SDK1: variants seen among roughly 807,000 people sequenced by gnomAD.
The protein encoded by SDK1 is protein sidekick-1.
Under a neutral mutation model 245.5 loss-of-function variants are expected in SDK1, and 157 were observed. That is an observed-to-expected ratio of 0.64 (90% CI 0.56 to 0.73). SDK1 has a LOEUF of 0.73. SDK1 is among the 30% of genes least tolerant of loss of function. The pLI is 0.00. For missense variants in SDK1, 3,583 were observed against 3,002.3 expected, an observed-to-expected ratio of 1.19 and a Z score of -4.52; for synonymous variants, 1,647 against 1,278.5, an observed-to-expected ratio of 1.29 and a Z score of -6.15.
chr7:3,683,182 G>GT (rs1784163068), intron 4 of SDK1, among the ~76,000 whole-genome samples: 1 of 152,152 alleles, frequency 6.6e-6, no homozygotes, highest in Non-Finnish European at 1.5e-5. Flanking sequence ...TTTTTCGTCT[G>GT]TCTTTTCCAC....
chr7:3,558,088 T>C (rs1779643175), intron 1 of SDK1, among the ~76,000 whole-genome samples: 1 of 149,570 alleles, frequency 6.7e-6, no homozygotes, highest in South Asian at 2.1e-4. Flanking sequence ...AGATGCCACG[T>C]GGCATGCGTA....
intron 8 of SDK1, 34 bp from the exon 9 acceptor site, chr7:3,962,623 T>C (rs777170108): frequency 2.3e-5 from 35 of 1,528,192 alleles, no homozygotes; most frequent in Middle Eastern, 1.7e-4. Flanking sequence ...CAGGAATTAT[T>C]TTTAAAATCC....
chr7:3,723,935 TATATATATAGAGAG>T (rs1268628295), intron 4 of SDK1, among the ~76,000 whole-genome samples: 7 of 120,324 alleles, frequency 5.8e-5, no homozygotes, highest in South Asian at 2.8e-4. Context: ...TATATATATA[TATATATATAGAGAG>T]AGAGAGAGAG....
intron 1 of SDK1, among the ~76,000 whole-genome samples, chr7:3,595,118 A>T (rs114202675): frequency 1.6e-4 from 25 of 152,246 alleles, no homozygotes; most frequent in African/African-American, 6.0e-4. Context: ...AGATGCAGCC[A>T]ATTTTCTCCC....
At chr7:3,889,868 C>T (rs1781418027) in intron 5 of SDK1, among the ~76,000 whole-genome samples, 1 of 152,184 alleles carries the variant, frequency 6.6e-6, no homozygotes, top group African/African-American at 2.4e-5. Flanking sequence ...TCCTGCTGGT[C>T]TGTCTTCCAA....
chr7:3,492,574 G>A (rs1781897416), intron 1 of SDK1, among the ~76,000 whole-genome samples: 1 of 152,244 alleles, frequency 6.6e-6, no homozygotes, highest in Non-Finnish European at 1.5e-5. Flanking sequence ...AGAGTGGACA[G>A]CAGTGGCGGG....
At chr7:4,070,843 G>T (rs1479383854) in intron 20 of SDK1, among the ~76,000 whole-genome samples, 1 of 151,794 alleles carries the variant, frequency 6.6e-6, no homozygotes, top group Non-Finnish European at 1.5e-5. Context: ...CCGAGTAGTT[G>T]GAACTACAGG....
At chr7:4,191,005 C>T (rs1783171708) in intron 35 of SDK1, among the ~76,000 whole-genome samples, 1 of 152,208 alleles carries the variant, frequency 6.6e-6, no homozygotes, top group Non-Finnish European at 1.5e-5. Context: ...CACCCATCCT[C>T]TACACTTCTG....
chr7:3,357,287 A>G (rs1217831166), intron 1 of SDK1, among the ~76,000 whole-genome samples: 1 of 75,054 alleles, frequency 1.3e-5, no homozygotes, highest in Admixed American at 1.4e-4. Flanking sequence ...TTGGCATTTT[A>G]TGTTTCACTG....
At chr7:3,451,127 G>C (rs975609142) in intron 1 of SDK1, among the ~76,000 whole-genome samples, 1 of 152,134 alleles carries the variant, frequency 6.6e-6, no homozygotes, top group Non-Finnish European at 1.5e-5. Flanking sequence ...GTAGCTGGGA[G>C]ATGATGTAGG....
chr7:3,957,401 G>A (rs1458053918), intron 7 of SDK1, among the ~76,000 whole-genome samples: 2 of 152,194 alleles, frequency 1.3e-5, no homozygotes, highest in Non-Finnish European at 2.9e-5. Flanking sequence ...ATTGCGGGAA[G>A]CCGAGTGAAG....
chr7:3,804,765 G>C (rs1211737833), intron 4 of SDK1, among the ~76,000 whole-genome samples: 1 of 152,152 alleles, frequency 6.6e-6, no homozygotes, highest in Non-Finnish European at 1.5e-5. Flanking sequence ...CAGCATACAA[G>C]TTCTGTACGT....
chr7:3,807,963 A>G (rs577882429), intron 4 of SDK1, among the ~76,000 whole-genome samples: 40 of 152,268 alleles, frequency 2.6e-4, no homozygotes, highest in Admixed American at 9.1e-4. Context: ...GATGGATACA[A>G]TTATTATCCC....
intron 2 of SDK1, among the ~76,000 whole-genome samples, chr7:3,623,807 A>G (rs117454389): frequency 0.025 from 3,849 of 152,314 alleles, 91 homozygotes; most frequent in Non-Finnish European, 0.041. Context: ...AACAGAAGGA[A>G]TAATTGTATA....
At chr7:3,545,673 G>T (rs1779200315) in intron 1 of SDK1, among the ~76,000 whole-genome samples, 1 of 152,126 alleles carries the variant, frequency 6.6e-6, no homozygotes. Flanking sequence ...CCATCCTCTG[G>T]CTGGTTCAGC....
chr7:4,119,682 G>A (rs577332905), intron 25 of SDK1, among the ~76,000 whole-genome samples: 1 of 149,120 alleles, frequency 6.7e-6, no homozygotes, highest in Admixed American at 6.7e-5. Context: ...CAGACCATCT[G>A]GGCAATCAAC....
intron 4 of SDK1, among the ~76,000 whole-genome samples, chr7:3,749,282 G>A (rs1166080571): frequency 6.6e-6 from 1 of 152,072 alleles, no homozygotes; most frequent in African/African-American, 2.4e-5. Context: ...GACTACAGGT[G>A]TGTGCCACCA....
At chr7:3,984,355 G>A (rs1783653492) in intron 13 of SDK1, among the ~76,000 whole-genome samples, 1 of 152,186 alleles carries the variant, frequency 6.6e-6, no homozygotes, top group Non-Finnish European at 1.5e-5. Flanking sequence ...CAGATGGGTT[G>A]TTTCTGTGTG....
chr7:4,074,863 T>C (rs1420144535), intron 20 of SDK1, among the ~76,000 whole-genome samples: 24 of 89,868 alleles, frequency 2.7e-4, no homozygotes, highest in Non-Finnish European at 4.1e-4. Flanking sequence ...ACTTTCTCTC[T>C]CTCTCTCTCT....
Sources: gnomAD v4.1 joint callset for allele counts (sites outside exome capture counted in the v4.1 genomes callset) on GRCh38, gnomAD v4.1.1 for gene constraint, MANE v1.5 for transcripts, NCBI Gene and HGNC (gene_info 2026-07-23, HGNC 2026-07-21) for gene names.